Variants in TTC7A observed in about 807,000 individuals in gnomAD.
TTC7A encodes tetratricopeptide repeat domain 7A.
In TTC7A, 110 loss-of-function variants were observed where a neutral mutation model predicts 103.7. The ratio of observed to expected loss-of-function variants is 1.06; its 90% CI spans 0.91 to 1.24. TTC7A has a LOEUF of 1.24. Among genes scored for constraint, TTC7A ranks in the 50% most tolerant of loss-of-function variants. The pLI, the probability that TTC7A is intolerant of heterozygous loss-of-function variation, is 0.00. For missense variants in TTC7A, 1,340 were observed against 1,116.3 expected, an observed-to-expected ratio of 1.20 and a Z score of -2.86; for synonymous variants, 521 against 467.9, an observed-to-expected ratio of 1.11 and a Z score of -1.47.
chr2:47,017,264 C>G (rs141362951), intron 11 of TTC7A, among the ~76,000 whole-genome samples: 2 of 144,518 alleles, frequency 1.4e-5, no homozygotes, highest in East Asian at 2.1e-4. Context: ...CCTATCATCT[C>G]AACATTTTGG....
chr2:46,950,291 A>T (rs1255657694), intron 1 of TTC7A, 72 bp from the exon 2 acceptor site: 2 of 1,543,444 alleles, frequency 1.3e-6, no homozygotes, highest in East Asian at 4.5e-5. Context: ...GGGTGGGTCC[A>T]GGAGTGTGCA....
chr2:46,959,173 C>G (rs1214282601), intron 3 of TTC7A, among the ~76,000 whole-genome samples: 1 of 152,178 alleles, frequency 6.6e-6, no homozygotes, highest in Non-Finnish European at 1.5e-5. Flanking sequence ...GCCAAGCCCT[C>G]ATGTTACAGT....
At chr2:46,972,100 C>CT (rs754642459) in intron 3 of TTC7A, among the ~76,000 whole-genome samples, 2 of 152,014 alleles carry the variant, frequency 1.3e-5, no homozygotes, top group Non-Finnish European at 2.9e-5. Flanking sequence ...TACTCCGTCT[C>CT]TTTAAGAATC....
At chr2:46,951,996 A>G (rs1671458656) in intron 2 of TTC7A, among the ~76,000 whole-genome samples, 1 of 152,256 alleles carries the variant, frequency 6.6e-6, no homozygotes, top group South Asian at 2.1e-4. Context: ...GAGTAATGGC[A>G]GTACTAGAAT....
intron 2 of TTC7A, among the ~76,000 whole-genome samples, chr2:46,924,085 G>A (rs1251443809): frequency 6.6e-6 from 1 of 151,896 alleles, no homozygotes; most frequent in Non-Finnish European, 1.5e-5. Context: ...TGGGCCTGTA[G>A]TCCAGCTACC....
intron 19 of TTC7A, among the ~76,000 whole-genome samples, chr2:47,063,664 C>T (rs1683964516): frequency 6.6e-6 from 1 of 152,226 alleles, no homozygotes; most frequent in South Asian, 2.1e-4. Flanking sequence ...CCAGGGAGGA[C>T]ACTCTGGCCT....
intron 8 of TTC7A, among the ~76,000 whole-genome samples, chr2:47,000,130 G>A (rs369529714): frequency 1.3e-5 from 2 of 152,196 alleles, no homozygotes; most frequent in East Asian, 3.9e-4. Context: ...GTACATTTTG[G>A]TTGTTCAATA....
chr2:46,938,116 C>T (rs900826974), upstream of TTC7A, among the ~76,000 whole-genome samples: 6 of 151,948 alleles, frequency 3.9e-5, no homozygotes, highest in East Asian at 1.2e-3. Context: ...AGCCCCATGG[C>T]CAGATCTCCA....
chr2:46,938,489 A>G (rs114671126), upstream of TTC7A, among the ~76,000 whole-genome samples: 8,878 of 152,124 alleles, frequency 0.058, 318 homozygotes, highest in African/African-American at 0.093. Flanking sequence ...TACTTTAATA[A>G]CTTAATAGCA....
chr2:47,065,524 C>A (rs1684115591), intron 19 of TTC7A, among the ~76,000 whole-genome samples: 1 of 152,204 alleles, frequency 6.6e-6, no homozygotes, highest in African/African-American at 2.4e-5. Flanking sequence ...ACGTTGTCTT[C>A]TGTGATCAAC....
upstream of TTC7A, among the ~76,000 whole-genome samples, chr2:46,938,248 A>T (rs1670077002): frequency 1.3e-5 from 2 of 152,250 alleles, no homozygotes; most frequent in African/African-American, 4.8e-5. Context: ...ACCCACAAGG[A>T]AACATTTCTC....
chr2:46,916,875 C>T (rs1461594980), intron 1 of TTC7A, among the ~76,000 whole-genome samples: 3 of 152,100 alleles, frequency 2.0e-5, no homozygotes, highest in Non-Finnish European at 4.4e-5. Context: ...CCTCTTGATC[C>T]TCCCGCCTCA....
intron 8 of TTC7A, chr2:46,999,950 GCTGGGCAT>G: frequency 1.1e-6 from 1 of 946,640 alleles, no homozygotes; most frequent in Non-Finnish European, 1.3e-6. Flanking sequence ...CATGCCCAAT[GCTGGGCAT>G]CTGGCTGTTT....
chr2:46,956,283 G>A (rs1046183146), intron 2 of TTC7A, among the ~76,000 whole-genome samples: 4 of 152,062 alleles, frequency 2.6e-5, no homozygotes, highest in Non-Finnish European at 5.9e-5. Flanking sequence ...GGATGGTGAC[G>A]CAGCAGGCCC....
At chr2:46,947,372 A>G (rs1044258455) in intron 1 of TTC7A, among the ~76,000 whole-genome samples, 4 of 152,108 alleles carry the variant, frequency 2.6e-5, no homozygotes, top group Middle Eastern at 3.4e-3. Context: ...GCAGCCAGTC[A>G]CTCTTATGGT....
At chr2:46,955,221 C>T (rs1175015264) in intron 2 of TTC7A, among the ~76,000 whole-genome samples, 1 of 151,498 alleles carries the variant, frequency 6.6e-6, no homozygotes, top group Admixed American at 6.5e-5. Flanking sequence ...AAGACGCAGC[C>T]CGAGCAGGGA....
At chr2:47,003,605 G>A (rs1197202999) in intron 8 of TTC7A, among the ~76,000 whole-genome samples, 1 of 152,170 alleles carries the variant, frequency 6.6e-6, no homozygotes, top group Non-Finnish European at 1.5e-5. Flanking sequence ...CAGGCAGGAG[G>A]GTCCCCAGAC....
At chr2:46,966,658 C>A (rs534142349) in intron 3 of TTC7A, among the ~76,000 whole-genome samples, 166 of 148,548 alleles carry the variant, frequency 1.1e-3, no homozygotes, top group Non-Finnish European at 2.0e-3. Context: ...TTGTATACAT[C>A]ACTTTTTTTT....
At chr2:47,018,283 A>G (rs1246151997) in intron 11 of TTC7A, among the ~76,000 whole-genome samples, 11 of 30,860 alleles carry the variant, frequency 3.6e-4, no homozygotes, top group Admixed American at 2.7e-3. Context: ...CCGTCTCAGA[A>G]AAAAAAAAAA....
Sources: allele counts gnomAD v4.1 joint callset (sites outside exome capture counted in the v4.1 genomes callset), GRCh38; gene constraint gnomAD v4.1.1; transcripts MANE v1.5; gene names NCBI Gene and HGNC (gene_info 2026-07-23, HGNC 2026-07-21).